TTC28: variants seen among roughly 807,000 people sequenced by gnomAD.
TTC28 encodes tetratricopeptide repeat protein 28.
TTC28 carries 61 observed loss-of-function variants against 198.0 expected under a neutral mutation model. That is an observed-to-expected ratio of 0.31 (90% CI 0.25 to 0.38). The LOEUF is 0.38. TTC28 is among the 10% of genes least tolerant of loss of function. The pLI, the probability that TTC28 is intolerant of heterozygous loss-of-function variation, is 1.00. For synonymous variants in TTC28, 1,171 were observed against 1,297.8 expected (o/e 0.90, Z 2.10); for missense variants, 2,678 against 3,164.0 (o/e 0.85, Z 3.69).
intron 13 of TTC28, among the ~76,000 whole-genome samples, chr22:28,022,639 T>C (rs1032293805): frequency 3.3e-5 from 5 of 152,238 alleles, no homozygotes; most frequent in African/African-American, 1.2e-4. Context: ...GGAAAATCCT[T>C]TGGTTCCTTC....
chr22:28,571,591 A>G (rs1309113935), intron 2 of TTC28, among the ~76,000 whole-genome samples: 1 of 152,240 alleles, frequency 6.6e-6, no homozygotes, highest in Non-Finnish European at 1.5e-5. Flanking sequence ...CCTGAAGGGC[A>G]GCAGGATAAT....
At chr22:28,537,342 A>ATAAAATAAAATAT (rs2049316127) in intron 2 of TTC28, among the ~76,000 whole-genome samples, 1 of 146,532 alleles carries the variant, frequency 6.8e-6, no homozygotes, top group African/African-American at 2.4e-5. Context: ...ATAAAATAAA[A>ATAAAATAAAATAT]ACAAGAATAG....
chr22:28,352,126 G>A (rs1234691916), intron 2 of TTC28, among the ~76,000 whole-genome samples: 1 of 151,976 alleles, frequency 6.6e-6, no homozygotes, highest in Non-Finnish European at 1.5e-5. Context: ...CAATAATAAA[G>A]TTTAAATTTT....
chr22:28,540,054 C>T (rs1017564932), intron 2 of TTC28, among the ~76,000 whole-genome samples: 2 of 150,884 alleles, frequency 1.3e-5, no homozygotes, highest in African/African-American at 4.9e-5. Flanking sequence ...ACGCCATTCT[C>T]CTGCCTCAGC....
At position 28,346,639 on chromosome 22, in the gene TTC28, C is replaced by G. The variant is rs140460804; in HGVS notation, c.382-39996G>C. On this transcript the variant is annotated intron_variant, in intron 2 of 22. Transcript: ENST00000397906. ...TTGTGGACATAACTTTCTTGCATAT[C>G]CATGAAAACTGCCTAACAGCTATCC... Among the ~76,000 whole-genome samples, 73 of 152,270 alleles carry G rather than the reference C, an allele frequency of 4.8e-4. 1 individual carries two copies. The highest frequency in any genetic ancestry group is 1.7e-3 in the African/African-American group (69 of 41,560).
At chr22:28,096,510 C>T in intron 10 of TTC28, 102 bp from the exon 11 acceptor site, 9 of 1,172,724 alleles carry the variant, frequency 7.7e-6, no homozygotes, top group Non-Finnish European at 1.1e-5. Flanking sequence ...ACCTCACTGC[C>T]TCTACTCTCC....
intron 5 of TTC28, among the ~76,000 whole-genome samples, chr22:28,273,410 C>T (rs1932216417): frequency 6.6e-6 from 1 of 151,754 alleles, no homozygotes; most frequent in South Asian, 2.1e-4. Flanking sequence ...CATCAGAGAA[C>T]TGGATTCTGT....
chr22:28,302,548 G>A (rs566000692), intron 3 of TTC28, among the ~76,000 whole-genome samples: 4 of 152,268 alleles, frequency 2.6e-5, no homozygotes, highest in South Asian at 2.1e-4. Context: ...TTCTCTCTAC[G>A]GATACAGACT....
intron 2 of TTC28, among the ~76,000 whole-genome samples, chr22:28,415,450 T>C (rs1487211672): frequency 5.9e-5 from 9 of 152,144 alleles, no homozygotes; most frequent in Admixed American, 5.9e-4. Context: ...AAGATCATAT[T>C]TGGAAATTAA....
At chr22:28,080,124 C>A (rs1441464029) in intron 12 of TTC28, among the ~76,000 whole-genome samples, 2 of 152,178 alleles carry the variant, frequency 1.3e-5, no homozygotes, top group Non-Finnish European at 2.9e-5. Context: ...GTTGCTCCTA[C>A]CCCCTGGCTA....
chr22:28,121,774 T>G (rs1679555081), intron 6 of TTC28, among the ~76,000 whole-genome samples: 1 of 152,244 alleles, frequency 6.6e-6, no homozygotes, highest in Non-Finnish European at 1.5e-5. Context: ...CCAGCCTTTC[T>G]TACAGCTAGG....
intron 17 of TTC28, 48 bp from the exon 18 acceptor site, chr22:27,993,566 T>G (rs1937492071): frequency 4.0e-6 from 6 of 1,487,692 alleles, no homozygotes; most frequent in Non-Finnish European, 5.4e-6. Flanking sequence ...AGCCCTGGTT[T>G]CCATCCGCAT....
At position 28,098,852 on chromosome 22, in the gene TTC28, A is replaced by G. The variant is rs1601617205; in HGVS notation, c.3547+63T>C. On this transcript the variant is annotated intron_variant, in intron 10 of 22. Coordinates refer to ENST00000397906, the MANE Select transcript of TTC28 (RefSeq NM_001145418.2). ...CGCTGTCACTAAACAACTTGGACAC[A>G]TGGACGCGCACCCGTGCGCACTAGT... The G allele has an allele frequency of 4.0e-6, 6 of 1,516,966 alleles. No individual in the cohort carries two copies. In the East Asian group the frequency reaches 1.5e-4, roughly 37 times the overall value. The allele number at this position is 1,516,966 out of a possible 1,614,324, so 94.0% of individuals were successfully genotyped here. A position where few individuals can be genotyped will look rare whatever the true frequency, so the allele number is the denominator to read the frequency against.
intron 2 of TTC28, among the ~76,000 whole-genome samples, chr22:28,502,872 T>A (rs2048556270): frequency 1.3e-5 from 2 of 152,156 alleles, no homozygotes; most frequent in Non-Finnish European, 1.5e-5. Context: ...TAAAAATTCA[T>A]CATCAAATGC....
chr22:28,101,310 C>T (rs768987958), intron 8 of TTC28, 30 bp from the exon 9 acceptor site: 5 of 1,501,660 alleles, frequency 3.3e-6, no homozygotes, highest in South Asian at 1.2e-5. Context: ...TTTAAGGAAA[C>T]ATAGAAGATG....
chr22:28,004,399 AAGG>A (rs1937849344), intron 14 of TTC28, among the ~76,000 whole-genome samples: 1 of 152,168 alleles, frequency 6.6e-6, no homozygotes, highest in Non-Finnish European at 1.5e-5. Flanking sequence ...GAGAAGAGAC[AAGG>A]AGACTTGCTG....
chr22:28,344,803 C>T (rs186273540), intron 2 of TTC28, among the ~76,000 whole-genome samples: 12 of 152,128 alleles, frequency 7.9e-5, no homozygotes, highest in African/African-American at 2.4e-5. Context: ...CATGTGAAAC[C>T]GGAGGTTAAA....
chr22:28,083,476 G>C (rs1266633501), intron 12 of TTC28, among the ~76,000 whole-genome samples: 4 of 152,150 alleles, frequency 2.6e-5, no homozygotes, highest in African/African-American at 9.7e-5. Flanking sequence ...TGACAGAATT[G>C]TTTATTCATG....
At chr22:28,412,440 C>G (rs1467797385) in intron 2 of TTC28, among the ~76,000 whole-genome samples, 2 of 152,142 alleles carry the variant, frequency 1.3e-5, no homozygotes, top group African/African-American at 4.8e-5. Flanking sequence ...TGTGTGCTGG[C>G]TCCTAAAAAC....
Sources: allele counts gnomAD v4.1 joint callset (sites outside exome capture counted in the v4.1 genomes callset), GRCh38; gene constraint gnomAD v4.1.1; transcripts MANE v1.5; gene names NCBI Gene and HGNC (gene_info 2026-07-23, HGNC 2026-07-21).